ENPP5: variants seen among roughly 807,000 people sequenced by gnomAD.
The protein encoded by ENPP5 is ectonucleotide pyrophosphatase/phosphodiesterase family member 5, also known as E-NPP 5.
In ENPP5, 27 loss-of-function variants were observed where a neutral mutation model predicts 33.7. That is an observed-to-expected ratio of 0.80 (90% confidence interval 0.59 to 1.11). The LOEUF (loss-of-function observed/expected upper bound fraction) is 1.11. Among genes scored for constraint, ENPP5 ranks in the 50% least tolerant of loss-of-function variants. The pLI is 0.00. For synonymous variants in ENPP5, 199 were observed against 200.5 expected, an observed-to-expected ratio of 0.99 and a Z score of 0.06; for missense variants, 552 against 579.2, an observed-to-expected ratio of 0.95 and a Z score of 0.48.
chr6:46,168,640 G>T (rs1448509850), intron 2 of ENPP5, among the ~76,000 whole-genome samples: 8 of 152,018 alleles, frequency 5.3e-5, no homozygotes, highest in Admixed American at 3.3e-4. Context: ...TTTGACTTCT[G>T]GTCAGAAACT....
chr6:46,170,268 A>G (rs1239263824), intron 1 of ENPP5, among the ~76,000 whole-genome samples, 154 bp from the exon 2 acceptor site: 4 of 152,356 alleles, frequency 2.6e-5, no homozygotes, highest in Admixed American at 2.0e-4. Flanking sequence ...TGGGACCAAC[A>G]AAAGTAAGCA....
chr6:46,164,634 G>T (rs1195823375), intron 4 of ENPP5, among the ~76,000 whole-genome samples: 1 of 151,678 alleles, frequency 6.6e-6, no homozygotes, highest in Non-Finnish European at 1.5e-5. Flanking sequence ...GCAGTCCTTT[G>T]TTGAGCAAGC....
Position 46,165,459 on chromosome 6 carries a change from G to T in ENPP5, c.934C>A (p.Arg312=). The change falls in exon 4 of 5, where the codon CGA becomes AGA. Residue 312 remains arginine, a synonymous_variant. Coordinates refer to ENST00000371383, the MANE Select transcript of ENPP5 (RefSeq NM_001290072.2). Reference sequence around the variant, plus strand: ...GCCACTGCTATGATTGGTTGAATTCGACTGTTGTATTTGTAATGCCACCTT... The same window carrying T: ...GCCACTGCTATGATTGGTTGAATTCTACTGTTGTATTTGTAATGCCACCTT... The part of the protein sequence containing the change: ...PERWHYKYNS[R]IQPIIAVADE... 1 of 1,610,892 alleles carries T rather than the reference G, an allele frequency of 6.2e-7. No individual in the cohort carries two copies. Among genetic ancestry groups the T allele is most frequent in the South Asian group, 1.1e-5 (1 of 90,212 alleles).
chr6:46,160,633 G>A lies in ENPP5; in HGVS notation c.*693C>T, dbSNP rs952383167. ...ATGACAGAAACAATATATTTAGAAC[G>A]AATCTGTCAGTATTTGACTCTCTTT... On this transcript the variant is annotated 3_prime_UTR_variant, in exon 5 of 5. Transcript: ENST00000371383. 2.0e-4 allele frequency: 31 copies of A among 152,002 alleles called. 1 individual carries two copies. The highest frequency in any genetic ancestry group is 1.4e-3 in the Admixed American group (21 of 15,260). The allele number at this position is 152,002 out of a possible 1,614,324, so 9.4% of individuals were successfully genotyped here. A position where few individuals can be genotyped will look rare whatever the true frequency, so the allele number is the denominator to read the frequency against.
At chr6:46,164,013 T>C (rs2127497261) in intron 4 of ENPP5, among the ~76,000 whole-genome samples, 1 of 152,324 alleles carries the variant, frequency 6.6e-6, no homozygotes, top group Non-Finnish European at 1.5e-5. Context: ...ACCTAGGCAT[T>C]ACCATTCAGG....
In ENPP5 at chr6:46,170,900, G is replaced by A. The variant is rs1764718637; in HGVS notation, c.-190C>T. The A allele has an allele frequency of 6.6e-6, 1 of 152,366 alleles. No homozygotes were observed. The highest frequency in any genetic ancestry group is 1.5e-5 in the Non-Finnish European group (1 of 68,186). The allele number at this position is 152,366 out of a possible 1,614,324, so 9.4% of individuals were successfully genotyped here. A position where few individuals can be genotyped will look rare whatever the true frequency, so the allele number is the denominator to read the frequency against. On this transcript the variant is annotated 5_prime_UTR_variant, in exon 1 of 5. Transcript: ENST00000371383. ...CTCGGGCGCGCCGCGGGTAACGGCG[G>A]GAGGGTGACTGGAGGAACGCCCCCG... is the stretch of plus-strand genomic sequence containing the variant.
chr6:46,170,167 G>A (rs1242571196), intron 1 of ENPP5, 53 bp from the exon 2 acceptor site: 1 of 152,142 alleles, frequency 6.6e-6, no homozygotes, highest in Non-Finnish European at 1.5e-5. Flanking sequence ...AAGGCTAAAA[G>A]CAGAGGAAAT....
At chr6:46,161,786 A>G in intron 4 of ENPP5, 33 bp from the exon 5 acceptor site, 1 of 1,510,658 alleles carries the variant, frequency 6.6e-7, no homozygotes, top group Non-Finnish European at 9.1e-7. Flanking sequence ...AAAGTTAGCC[A>G]ACTATGCATT....
At chr6:46,169,367 TTTGATATCTTCCTAAGC>T (rs1251548725) in intron 2 of ENPP5, among the ~76,000 whole-genome samples, 3 of 116,182 alleles carry the variant, frequency 2.6e-5, no homozygotes, top group Non-Finnish European at 6.2e-5. Flanking sequence ...GAAACTGCCT[TTTGATATCTTCCTAAGC>T]TGAAGACTTC....
rs948187020 is a variant in ENPP5 at position 46,159,587 on chromosome 6, A to G, written c.*1739T>C. On this transcript the variant is annotated 3_prime_UTR_variant, in exon 5 of 5. Coordinates refer to ENST00000371383, the MANE Select transcript of ENPP5 (RefSeq NM_001290072.2). ...TCTATAGGCCATTTCCAATTATTTG[A>G]TTCTATTCTATTAAGAGGTTTTATA... The G allele has an allele frequency of 1.6e-5, 2 of 123,582 alleles. No individual in the cohort carries two copies. The highest frequency in any genetic ancestry group is 5.1e-5 in the African/African-American group (2 of 39,244). The allele number at this position is 123,582 out of a possible 1,614,324, so 7.7% of individuals were successfully genotyped here.
At chr6:46,164,728 ATTTTTTTTTTTTTGC>A (rs1281483401) in intron 4 of ENPP5, among the ~76,000 whole-genome samples, 1 of 92,910 alleles carries the variant, frequency 1.1e-5, no homozygotes, top group Non-Finnish European at 2.5e-5. Context: ...AAAACTGTTT[ATTTTTTTTTTTTTGC>A]TTTTTTTTTT....
At position 46,161,604 on chromosome 6, in the gene ENPP5, T is replaced by C. The variant is rs1307827858; in HGVS notation, c.1156A>G (p.Met386Val). Residue 386 changes from methionine (M) to valine (V), a missense_variant, in exon 5 of 5, where the codon ATG becomes GTG. Transcript: ENST00000371383. ...TTCCAGAATGATCCATTGTGTGGCA[T>C]GGCGGTGATATTGAGGAGGTGGCAT... Reference protein sequence around the residue: ...LLCHLLNITAMPHNGSFWNVQ... With the variant: ...LLCHLLNITAVPHNGSFWNVQ... The C allele has an allele frequency of 2.5e-6, 4 of 1,614,118 alleles. No individual in the cohort carries two copies. Among genetic ancestry groups the C allele is most frequent in the Non-Finnish European group, 3.4e-6 (4 of 1,179,970 alleles).
intron 2 of ENPP5, among the ~76,000 whole-genome samples, chr6:46,168,887 A>G (rs1255446371): frequency 6.6e-6 from 1 of 152,192 alleles, no homozygotes; most frequent in African/African-American, 2.4e-5. Context: ...AAGTGAAATA[A>G]CATTTGTGAC....
rs901487277 is a variant in ENPP5, at chr6:46,170,929, C to G, written c.-219G>C. The G allele has an allele frequency of 1.3e-5, 2 of 152,236 alleles. No homozygotes were observed. The highest frequency in any genetic ancestry group is 2.9e-5 in the Non-Finnish European group (2 of 68,074). 9.4% of individuals were successfully genotyped at this position (152,236 alleles called of 1,614,324 possible). On this transcript the variant is annotated 5_prime_UTR_variant, in exon 1 of 5. Transcript: ENST00000371383. ...GGTGACTGGAGGAACGCCCCCGGAA[C>G]GCGCAGGAGCTCACCTGCGCTCAAC...
Position 46,160,516 on chromosome 6 carries a change from G to A in ENPP5, c.*810C>T, listed in dbSNP as rs1764355659. The A allele has an allele frequency of 1.3e-5, 2 of 152,112 alleles. No individual in the cohort carries two copies. The highest frequency in any genetic ancestry group is 4.1e-4 in the South Asian group (2 of 4,822). 9.4% of individuals were successfully genotyped at this position (152,112 alleles called of 1,614,324 possible). A position where few individuals can be genotyped will look rare whatever the true frequency, so the allele number is the denominator to read the frequency against. On this transcript the variant is annotated 3_prime_UTR_variant, in exon 5 of 5. Coordinates refer to ENST00000371383, the MANE Select transcript of ENPP5 (RefSeq NM_001290072.2). ...CCTGGTTGCTTCTATTCAGGCCATTGCTGAACTATATAGAAAAAAAGTATA... is the reference window on the plus strand; with the variant it reads ...CCTGGTTGCTTCTATTCAGGCCATTACTGAACTATATAGAAAAAAAGTATA...
chr6:46,168,485 G>A (rs577220991), intron 2 of ENPP5, among the ~76,000 whole-genome samples, 188 bp from the exon 3 acceptor site: 2 of 152,246 alleles, frequency 1.3e-5, no homozygotes, highest in South Asian at 2.1e-4. Flanking sequence ...AATAAGTTTA[G>A]CTGCATTTAA....
rs770706727 is a variant in ENPP5 at position 46,167,772 on chromosome 6, T to C, written c.491A>G (p.Glu164Gly). 2 of 1,614,010 alleles carry C rather than the reference T, an allele frequency of 1.2e-6. No individual in the cohort carries two copies. Among genetic ancestry groups the C allele is most frequent in the African/African-American group, 2.7e-5 (2 of 74,918 alleles). ...TTCAATAATTTTGGCAACTCTATCT[T>C]CAAATGAAACTGACTCATTGTAAGG... ...YMPYNESVSF[E>G]DRVAKIIEWF... The change falls in exon 3 of 5, where the codon GAA becomes GGA. Residue 164 changes from glutamate (E) to glycine (G), a missense_variant. Transcript: ENST00000371383.
chr6:46,160,812 C>T lies in ENPP5; in HGVS notation c.*514G>A, dbSNP rs528638575. 6.5e-6 allele frequency: 1 copy of T among 154,928 alleles called. No homozygotes were observed. The highest frequency in any genetic ancestry group is 6.3e-5 in the Admixed American group (1 of 15,886). 9.6% of individuals were successfully genotyped at this position (154,928 alleles called of 1,614,324 possible). On this transcript the variant is annotated 3_prime_UTR_variant, in exon 5 of 5. Coordinates refer to ENST00000371383, the MANE Select transcript of ENPP5 (RefSeq NM_001290072.2). ...AACACTTATCACCTTCTTCTTCTCT[C>T]AATTTATGGAGATAGATTTCTACGT... is the stretch of plus-strand genomic sequence containing the variant.
intron 2 of ENPP5, 72 bp from the exon 3 acceptor site, chr6:46,168,369 C>T: frequency 1.6e-6 from 1 of 618,702 alleles, no homozygotes. Context: ...CTCAGAGTAA[C>T]AGTGCTTAGC....
Sources: allele counts gnomAD v4.1 joint callset (sites outside exome capture counted in the v4.1 genomes callset), GRCh38; gene constraint gnomAD v4.1.1; transcripts MANE v1.5; gene names NCBI Gene and HGNC (gene_info 2026-07-23, HGNC 2026-07-21).